GM2A: variants seen among roughly 807,000 people sequenced by gnomAD.
The protein encoded by GM2A is ganglioside GM2 activator, also known as GM2 ganglioside activator.
A neutral mutation model predicts 12.9 loss-of-function variants in GM2A; 7 were observed. The ratio of observed to expected loss-of-function variants is 0.54; its 90% CI spans 0.31 to 1.02. The LOEUF (loss-of-function observed/expected upper bound fraction) is 1.02. Ranked by LOEUF, GM2A falls within the 50% of genes least tolerant of loss-of-function variation. The pLI, the probability that GM2A is intolerant of heterozygous loss-of-function variation, is 0.05. For missense variants in GM2A, 246 were observed against 241.0 expected, an observed-to-expected ratio of 1.02 and a Z score of -0.14; for synonymous variants, 101 against 96.0, an observed-to-expected ratio of 1.05 and a Z score of -0.30.
intron 2 of GM2A, among the ~76,000 whole-genome samples, chr5:151,264,797 T>A (rs183054899): frequency 1.5e-4 from 23 of 152,160 alleles, no homozygotes; most frequent in Admixed American, 2.6e-4. Context: ...CTGACCAACA[T>A]GGTGAAACCC....
At chr5:151,254,085 C>T (rs1164329940) in intron 1 of GM2A, among the ~76,000 whole-genome samples, 1 of 152,126 alleles carries the variant, frequency 6.6e-6, no homozygotes, top group Non-Finnish European at 1.5e-5. Context: ...TTTCTTTATG[C>T]ATTCAATTTG....
chr5:151,268,545 A>G lies in GM2A; in HGVS notation c.*1094A>G. 1 of 985,304 alleles carries G rather than the reference A, an allele frequency of 1.0e-6. No homozygotes were observed. The highest frequency in any genetic ancestry group is 1.2e-6 in the Non-Finnish European group (1 of 829,828). The allele number at this position is 985,304 out of a possible 1,614,324, so 61.0% of individuals were successfully genotyped here. On this transcript the variant is annotated 3_prime_UTR_variant, in exon 4 of 4. Coordinates refer to ENST00000357164, the MANE Select transcript of GM2A (RefSeq NM_000405.5). The stretch of plus-strand genomic sequence containing the variant: ...TGTGCCCATTGATACAAGGCTGCTG[A>G]GGCCTGGTCTCCAGTTGGAAATATA...
chr5:151,260,096 T>G (rs1370314210), intron 2 of GM2A, among the ~76,000 whole-genome samples, 180 bp downstream of exon 2: 1 of 152,154 alleles, frequency 6.6e-6, no homozygotes, highest in African/African-American at 2.4e-5. Flanking sequence ...ATCATAAGAT[T>G]GAAAGGAATC....
rs143867953 is a variant in GM2A at position 151,253,249 on chromosome 5, C to T, written c.33C>T (p.Ile11=). 272 of 1,614,018 alleles carry T rather than the reference C, an allele frequency of 1.7e-4. No homozygotes were observed. The African/African-American group carries it at 2.9e-3, about 17-fold the overall frequency. The change falls in exon 1 of 4, where the codon ATC becomes ATT. Residue 11 remains isoleucine (I), a synonymous_variant. Transcript: ENST00000357164. Reference sequence around the variant, plus strand: ...CCCTGATGCAGGCTCCCCTCCTGATCGCCCTGGGCTTGCTTCTCGCGGCCC... The same window carrying T: ...CCCTGATGCAGGCTCCCCTCCTGATTGCCCTGGGCTTGCTTCTCGCGGCCC... The part of the protein sequence containing the change: MQSLMQAPLL[I]ALGLLLAAPA...
chr5:151,269,856 C>A lies in GM2A; in HGVS notation c.*2405C>A. The A allele has an allele frequency of 2.2e-6, 1 of 463,322 alleles. No individual in the cohort carries two copies. Among genetic ancestry groups the A allele is most frequent in the Non-Finnish European group, 3.0e-6 (1 of 335,786 alleles). The allele number at this position is 463,322 out of a possible 1,614,324, so 28.7% of individuals were successfully genotyped here. On this transcript the variant is annotated 3_prime_UTR_variant, in exon 4 of 4. Transcript: ENST00000357164. Reference sequence around the variant, plus strand: ...GTCTTCTGCAGCATTCTTCTAATACCTTTCCTTTTTCAAACCTATACTGTT... The same window carrying A: ...GTCTTCTGCAGCATTCTTCTAATACATTTCCTTTTTCAAACCTATACTGTT...
intron 1 of GM2A, among the ~76,000 whole-genome samples, chr5:151,256,851 T>C (rs1036880061): frequency 3.9e-5 from 6 of 152,268 alleles, no homozygotes; most frequent in African/African-American, 1.4e-4. Context: ...ATGACACATA[T>C]AATTGTAGTC....
Position 151,269,339 on chromosome 5 carries a change from G to T in GM2A, c.*1888G>T. The T allele has an allele frequency of 1.0e-6, 1 of 985,472 alleles. No individual in the cohort carries two copies. Among genetic ancestry groups the T allele is most frequent in the Non-Finnish European group, 1.2e-6 (1 of 829,990 alleles). The allele number at this position is 985,472 out of a possible 1,614,324, so 61.0% of individuals were successfully genotyped here. ...GCTCTTTTGGTTGGAAGGGTTTGTT[G>T]GAACGGTACAGGTGAGCCGAGGTGA... On this transcript the variant is annotated 3_prime_UTR_variant, in exon 4 of 4. Transcript: ENST00000357164.
Position 151,270,397 on chromosome 5 carries a change from A to G in GM2A, c.*2946A>G. 1 of 398,630 alleles carries G rather than the reference A, an allele frequency of 2.5e-6. No individual in the cohort carries two copies. The highest frequency in any genetic ancestry group is 4.4e-6 in the Non-Finnish European group (1 of 226,078). 24.7% of individuals were successfully genotyped at this position (398,630 alleles called of 1,614,324 possible). A position where few individuals can be genotyped will look rare whatever the true frequency, so the allele number is the denominator to read the frequency against. On this transcript the variant is annotated 3_prime_UTR_variant, in exon 4 of 4. Transcript: ENST00000357164. Reference sequence around the variant, plus strand: ...TGCTTAGTAAAAACACAATAAAATCAAATGACTGGGAGAAAAATTTATCCA... The same window carrying G: ...TGCTTAGTAAAAACACAATAAAATCGAATGACTGGGAGAAAAATTTATCCA...
intron 2 of GM2A, among the ~76,000 whole-genome samples, chr5:151,265,616 T>G (rs1161288838): frequency 2.6e-5 from 4 of 152,196 alleles, no homozygotes; most frequent in African/African-American, 4.8e-5. Flanking sequence ...GCCAACTCAT[T>G]TGGCACTAGA....
At position 151,270,085 on chromosome 5, in the gene GM2A, A is replaced by C. The variant is rs1424541136; in HGVS notation, c.*2634A>C. ...TTTATGTCTGCTCTGCTCTTGGGTCATATGTTCCGTGAGGTTTCTTAGGGG... is the reference window on the plus strand; with the variant it reads ...TTTATGTCTGCTCTGCTCTTGGGTCCTATGTTCCGTGAGGTTTCTTAGGGG... On this transcript the variant is annotated 3_prime_UTR_variant, in exon 4 of 4. Transcript: ENST00000357164. The C allele has an allele frequency of 8.1e-7, 1 of 1,230,930 alleles. No homozygotes were observed. Among genetic ancestry groups the C allele is most frequent in the East Asian group, 3.2e-5 (1 of 31,704 alleles). 76.3% of individuals were successfully genotyped at this position (1,230,930 alleles called of 1,614,324 possible). A position where few individuals can be genotyped will look rare whatever the true frequency, so the allele number is the denominator to read the frequency against.
intron 1 of GM2A, 123 bp downstream of exon 1, chr5:151,253,420 C>A: frequency 1.4e-6 from 1 of 728,736 alleles, no homozygotes; most frequent in Non-Finnish European, 2.5e-6. Flanking sequence ...GCACTAGAGC[C>A]TTCCAAAGTA....
Position 151,269,955 on chromosome 5 carries a change from A to G in GM2A, c.*2504A>G, listed in dbSNP as rs1048849150. The stretch of plus-strand genomic sequence containing the variant: ...CGGGGATCTGACACCTCACCTGGCA[A>G]TGACCTCCACAGCCGTTTCCCTCTG... On this transcript the variant is annotated 3_prime_UTR_variant, in exon 4 of 4. Transcript: ENST00000357164. 72 of 1,209,834 alleles carry G rather than the reference A, an allele frequency of 6.0e-5. No homozygotes were observed. The South Asian group carries it at 1.1e-3, about 19-fold the overall frequency. 74.9% of individuals were successfully genotyped at this position (1,209,834 alleles called of 1,614,324 possible). A position where few individuals can be genotyped will look rare whatever the true frequency, so the allele number is the denominator to read the frequency against.
rs1180521982 is a variant in GM2A at position 151,270,299 on chromosome 5, A to G, written c.*2848A>G. 1 of 406,438 alleles carries G rather than the reference A, an allele frequency of 2.5e-6. No homozygotes were observed. Among genetic ancestry groups the G allele is most frequent in the Non-Finnish European group, 4.3e-6 (1 of 233,318 alleles). The allele number at this position is 406,438 out of a possible 1,614,324, so 25.2% of individuals were successfully genotyped here. A position where few individuals can be genotyped will look rare whatever the true frequency, so the allele number is the denominator to read the frequency against. ...TAAGAAAATGAAGCCATATAAATAC[A>G]GAAGGAAACGTGGTGGAAATATCCA... On this transcript the variant is annotated 3_prime_UTR_variant, in exon 4 of 4. Coordinates refer to ENST00000357164, the MANE Select transcript of GM2A (RefSeq NM_000405.5).
rs529126687 is a variant in GM2A at position 151,253,279 on chromosome 5, G to A, written c.63G>A (p.Ala21=). The part of the protein sequence containing the change: ...IALGLLLAAP[A]QAHLKKPSQL... Reference sequence around the variant, plus strand: ...TGGGCTTGCTTCTCGCGGCCCCTGCGCAAGCCCACCTGAAAAAGGTGAGTG... The same window carrying A: ...TGGGCTTGCTTCTCGCGGCCCCTGCACAAGCCCACCTGAAAAAGGTGAGTG... Residue 21 remains alanine, a synonymous_variant, in exon 1 of 4, where the codon GCG becomes GCA. Transcript: ENST00000357164. The A allele has an allele frequency of 6.2e-7, 1 of 1,613,378 alleles. No individual in the cohort carries two copies.
At chr5:151,265,101 C>T (rs2127239287) in intron 2 of GM2A, among the ~76,000 whole-genome samples, 1 of 152,138 alleles carries the variant, frequency 6.6e-6, no homozygotes, top group African/African-American at 2.4e-5. Context: ...TCTGACTTTT[C>T]CTAGGCAGCG....
At chr5:151,255,397 G>C (rs1753667352) in intron 1 of GM2A, among the ~76,000 whole-genome samples, 1 of 152,186 alleles carries the variant, frequency 6.6e-6, no homozygotes, top group South Asian at 2.1e-4. Flanking sequence ...AAAGGGATAG[G>C]TCCAACCCTG....
intron 1 of GM2A, among the ~76,000 whole-genome samples, chr5:151,254,293 T>A (rs190475983): frequency 6.6e-6 from 1 of 152,312 alleles, no homozygotes; most frequent in East Asian, 1.9e-4. Flanking sequence ...TAATGGCTCA[T>A]ATGGTAGTTC....
intron 1 of GM2A, among the ~76,000 whole-genome samples, chr5:151,259,207 A>G (rs899519443): frequency 2.6e-5 from 4 of 152,158 alleles, no homozygotes; most frequent in Admixed American, 6.5e-5. Flanking sequence ...TGAGTGTCCT[A>G]TTCCTTTCTG....
At chr5:151,263,169 T>C (rs1753829028) in intron 2 of GM2A, among the ~76,000 whole-genome samples, 1 of 150,126 alleles carries the variant, frequency 6.7e-6, no homozygotes, top group Admixed American at 6.6e-5. Context: ...CATGGCTCAT[T>C]GCAACCTCTG....
Sources: gnomAD v4.1 joint callset for allele counts (sites outside exome capture counted in the v4.1 genomes callset) on GRCh38, gnomAD v4.1.1 for gene constraint, MANE v1.5 for transcripts, NCBI Gene and HGNC (gene_info 2026-07-23, HGNC 2026-07-21) for gene names.